Variants in TEX11 observed in about 807,000 individuals in gnomAD.
The protein encoded by TEX11 is testis expressed 11, also known as testis-expressed protein 11.
TEX11 carries 7 observed loss-of-function variants against 84.4 expected under a neutral mutation model. The observed-to-expected ratio is 0.08, with a 90% CI of 0.05 to 0.16. The LOEUF (loss-of-function observed/expected upper bound fraction) is 0.16, where lower values mean the gene tolerates loss of function less well. TEX11 is among the 10% of genes least tolerant of loss of function. TEX11 has a pLI of 1.00. For missense variants in TEX11, 551 were observed against 660.5 expected (o/e 0.83, Z 1.82); for synonymous variants, 264 against 222.8 (o/e 1.18, Z -1.64).
intron 25 of TEX11, among the ~76,000 whole-genome samples, chrX:70,562,986 A>G (rs1178477210): frequency 8.9e-6 from 1 of 112,043 alleles, no homozygotes; most frequent in Non-Finnish European, 1.9e-5. Context: ...GTAGTATTCC[A>G]TTATAGAGAT....
At chrX:70,645,222 C>G (rs1017528313) in intron 17 of TEX11, among the ~76,000 whole-genome samples, 38 of 110,349 alleles carry the variant, frequency 3.4e-4, no homozygotes, top group African/African-American at 1.2e-3. Flanking sequence ...AGAACTAATA[C>G]CAATCCTTCT....
rs536003971 is a variant in TEX11 at position 70,780,558 on chromosome X, G to T, written c.692+26147C>A. ...TGAGGACTTCCCTTTCCTAGCCAAG[G>T]GAAGCTGTGACAGTCTGTACCTGGA... On this transcript the variant is annotated intron_variant, in intron 9 of 29. Transcript: ENST00000374333. 2.3e-4 allele frequency among the ~76,000 whole-genome samples: 26 copies of T among 112,163 alleles called. 1 individual carries two copies. In the South Asian group the frequency reaches 9.7e-3, roughly 42 times the overall value.
chrX:70,735,995 T>G (rs2147739826), intron 11 of TEX11, among the ~76,000 whole-genome samples: 1 of 111,830 alleles, frequency 8.9e-6, no homozygotes, highest in South Asian at 3.8e-4. Context: ...AGTTCTTTTT[T>G]ATATTATGGT....
chrX:70,825,428 A>T (rs2091340276), intron 8 of TEX11, among the ~76,000 whole-genome samples: 1 of 110,175 alleles, frequency 9.1e-6, no homozygotes, highest in South Asian at 3.8e-4. Flanking sequence ...AAGAAAAGAC[A>T]ATCATAGAAA....
chrX:70,552,285 G>C, intron 27 of TEX11, 39 bp from the exon 28 acceptor site: 1 of 1,192,056 alleles, frequency 8.4e-7, no homozygotes, highest in Non-Finnish European at 1.1e-6. Flanking sequence ...CATAAGGAAA[G>C]AAATCATTGG....
chrX:70,576,849 A>C (rs1404512969), intron 25 of TEX11, among the ~76,000 whole-genome samples: 2 of 112,294 alleles, frequency 1.8e-5, no homozygotes, highest in Non-Finnish European at 3.8e-5. Context: ...GGAGGAGCAC[A>C]CCCTGAAGTG....
chrX:70,616,514 G>A (rs761791102), intron 20 of TEX11, among the ~76,000 whole-genome samples: 44 of 111,386 alleles, frequency 4.0e-4, no homozygotes, highest in Non-Finnish European at 7.2e-4. Flanking sequence ...CTAAAAGGAA[G>A]ACAGGACAGA....
intron 17 of TEX11, 102 bp from the exon 18 acceptor site, chrX:70,629,837 A>G: frequency 1.5e-6 from 1 of 657,398 alleles, no homozygotes; most frequent in Non-Finnish European, 2.2e-6. Flanking sequence ...TATTTTAAGA[A>G]CATTTTTAAA....
rs185299175 is a variant in TEX11, at chrX:70,605,785, C to T, written c.1951-268G>A. Among the ~76,000 whole-genome samples, 431 of 111,940 alleles carry T rather than the reference C, an allele frequency of 3.9e-3. 3 individuals carry two copies. The highest frequency in any genetic ancestry group is 7.1e-3 in the Non-Finnish European group (377 of 53,083). ...TTTTCCAGTGACAAGTAGTATCATT[C>T]GCCCTTGTATTTCTATCTAGTGATT... On this transcript the variant is annotated intron_variant, in intron 23 of 29. Coordinates refer to ENST00000374333, the MANE Select transcript of TEX11 (RefSeq NM_031276.3).
chrX:70,684,706 A>G (rs184348757), intron 13 of TEX11, among the ~76,000 whole-genome samples: 34 of 112,551 alleles, frequency 3.0e-4, no homozygotes, highest in Admixed American at 1.9e-3. Flanking sequence ...AAGAATTAGT[A>G]TTATTAAAAT....
chrX:70,815,628 C>A (rs921300370), intron 8 of TEX11, among the ~76,000 whole-genome samples: 5 of 111,133 alleles, frequency 4.5e-5, no homozygotes, highest in African/African-American at 1.3e-4. Context: ...TGTATATATA[C>A]GAAAAAACAT....
chrX:70,581,979 C>T (rs1465099488), intron 25 of TEX11, among the ~76,000 whole-genome samples: 1 of 111,557 alleles, frequency 9.0e-6, no homozygotes, highest in Non-Finnish European at 1.9e-5. Flanking sequence ...TTACTAAGGA[C>T]TTCCAAAGAG....
At chrX:70,691,826 A>G (rs2090237600) in intron 13 of TEX11, among the ~76,000 whole-genome samples, 1 of 111,425 alleles carries the variant, frequency 9.0e-6, no homozygotes, top group African/African-American at 3.3e-5. Context: ...CTCTCTATAA[A>G]AAAAGGTAAC....
chrX:70,547,655 T>G (rs755472334), intron 28 of TEX11, among the ~76,000 whole-genome samples: 4 of 111,886 alleles, frequency 3.6e-5, no homozygotes, highest in Admixed American at 1.9e-4. Flanking sequence ...GCAGCCAAAA[T>G]ACACATGAAA....
intron 13 of TEX11, among the ~76,000 whole-genome samples, chrX:70,700,957 TC>T (rs2147682538): frequency 8.9e-6 from 1 of 111,967 alleles, no homozygotes; most frequent in South Asian, 3.7e-4. Flanking sequence ...CTAACTCTCT[TC>T]ATTCTATGAA....
chrX:70,894,115 C>G (rs979323150), intron 2 of TEX11, among the ~76,000 whole-genome samples: 1 of 110,362 alleles, frequency 9.1e-6, no homozygotes, highest in African/African-American at 3.3e-5. Flanking sequence ...CAGGACCAGA[C>G]AGATTCACAG....
intron 2 of TEX11, among the ~76,000 whole-genome samples, chrX:70,893,366 A>G (rs1276949527): frequency 8.9e-6 from 1 of 112,003 alleles, no homozygotes; most frequent in African/African-American, 3.2e-5. Context: ...ATCATAACAA[A>G]CAGTCTCTCA....
chrX:70,809,101 G>A (rs1457614345), intron 8 of TEX11, among the ~76,000 whole-genome samples: 1 of 111,951 alleles, frequency 8.9e-6, no homozygotes, highest in Non-Finnish European at 1.9e-5. Flanking sequence ...TGAACAGGAT[G>A]CTTACACAAC....
At chrX:70,677,875 G>A (rs926801851) in intron 15 of TEX11, among the ~76,000 whole-genome samples, 9 of 95,790 alleles carry the variant, frequency 9.4e-5, no homozygotes, top group African/African-American at 3.5e-4. Flanking sequence ...GTGCAGTGGC[G>A]CGATCTCGGC....
Sources: allele counts gnomAD v4.1 joint callset (sites outside exome capture counted in the v4.1 genomes callset), GRCh38; gene constraint gnomAD v4.1.1; transcripts MANE v1.5; gene names NCBI Gene and HGNC (gene_info 2026-07-23, HGNC 2026-07-21).